CNTN5: variants seen among roughly 807,000 people sequenced by gnomAD.
CNTN5 encodes contactin 5, also known as contactin-5.
In CNTN5, 77 loss-of-function variants were observed where a neutral mutation model predicts 129.1. The ratio of observed to expected loss-of-function variants is 0.60; its 90% confidence interval spans 0.50 to 0.72. CNTN5 has a LOEUF of 0.72. CNTN5 is among the 30% of genes least tolerant of loss of function. CNTN5 has a pLI of 0.00. For synonymous variants in CNTN5, 509 were observed against 465.6 expected (o/e 1.09, Z -1.20); for missense variants, 1,478 against 1,328.8 (o/e 1.11, Z -1.75).
At position 99,387,174 on chromosome 11, in the gene CNTN5, A is replaced by G. The variant is rs1591609804; in HGVS notation, c.-71+61690A>G. Among the ~76,000 whole-genome samples, 5 of 152,198 alleles carry G rather than the reference A, an allele frequency of 3.3e-5. No homozygotes were observed. The South Asian group carries it at 1.0e-3, about 31-fold the overall frequency. On this transcript the variant is annotated intron_variant, in intron 2 of 24. Transcript: ENST00000524871. ...TTGATTTTATATACATCTATTTGCC[A>G]TAGGAAACACCAAACTCATAAGAAA...
At chr11:100,255,280 C>G (rs1259189633) in intron 16 of CNTN5, among the ~76,000 whole-genome samples, 1 of 152,158 alleles carries the variant, frequency 6.6e-6, no homozygotes, top group Non-Finnish European at 1.5e-5. Context: ...GCTATGTGTA[C>G]TTGATAGTAC....
At chr11:99,700,120 T>C (rs535736132) in intron 3 of CNTN5, among the ~76,000 whole-genome samples, 130 of 151,358 alleles carry the variant, frequency 8.6e-4, no homozygotes, top group Middle Eastern at 3.4e-3. Context: ...TCCAAAAGAG[T>C]TGCCAAATTT....
chr11:99,457,200 A>G (rs1944528096), intron 2 of CNTN5, among the ~76,000 whole-genome samples: 1 of 152,028 alleles, frequency 6.6e-6, no homozygotes, highest in Non-Finnish European at 1.5e-5. Flanking sequence ...TTTAGTATTT[A>G]GCTACAATCT....
In CNTN5 at chr11:99,252,461, A is replaced by G. The variant is rs186511511; in HGVS notation, c.-209-72885A>G. 2.4e-4 allele frequency among the ~76,000 whole-genome samples: 37 copies of G among 151,914 alleles called. No homozygotes were observed. In the East Asian group the frequency reaches 2.7e-3, roughly 11 times the overall value. ...TCAACCAGTAACATTTATCTTATATATAACTAAATTCCAAACCCAAATGGC... is the reference window on the plus strand; with the variant it reads ...TCAACCAGTAACATTTATCTTATATGTAACTAAATTCCAAACCCAAATGGC... On this transcript the variant is annotated intron_variant, in intron 1 of 24. Transcript: ENST00000524871.
chr11:99,289,334 C>A (rs1187211657), intron 1 of CNTN5, among the ~76,000 whole-genome samples: 2 of 151,750 alleles, frequency 1.3e-5, no homozygotes. Context: ...TAGGCATAGA[C>A]TGTTTGGCTA....
chr11:100,285,860 A>C (rs376019835), intron 18 of CNTN5, among the ~76,000 whole-genome samples: 3,102 of 152,240 alleles, frequency 0.02, 110 homozygotes, highest in African/African-American at 0.07. Context: ...TCATCTCACT[A>C]GGGAGTGCCA....
intron 2 of CNTN5, among the ~76,000 whole-genome samples, chr11:99,412,112 A>T (rs971464667): frequency 2.6e-5 from 4 of 152,190 alleles, no homozygotes; most frequent in African/African-American, 9.6e-5. Context: ...TATCATAGAT[A>T]TGTAACATTT....
At chr11:100,109,917 G>T (rs1054269819) in intron 13 of CNTN5, among the ~76,000 whole-genome samples, 1 of 152,108 alleles carries the variant, frequency 6.6e-6, no homozygotes, top group Non-Finnish European at 1.5e-5. Flanking sequence ...GGTGGCTCAT[G>T]CCTGTAATCC....
intron 4 of CNTN5, among the ~76,000 whole-genome samples, chr11:99,826,680 A>T (rs1946969874): frequency 6.6e-6 from 1 of 152,202 alleles, no homozygotes; most frequent in African/African-American, 2.4e-5. Context: ...ATGTTTAAGG[A>T]AACTGCACGT....
At chr11:100,205,229 C>A (rs950701611) in intron 15 of CNTN5, among the ~76,000 whole-genome samples, 2 of 151,962 alleles carry the variant, frequency 1.3e-5, no homozygotes, top group African/African-American at 4.8e-5. Flanking sequence ...TTTGCAATTT[C>A]TCTTTCGGCA....
chr11:99,713,410 GT>G lies in CNTN5; in HGVS notation c.56-106130del, dbSNP rs541188446. 1.8e-4 allele frequency among the ~76,000 whole-genome samples: 28 copies of G among 152,118 alleles called. No individual in the cohort carries two copies. In the South Asian group the frequency reaches 4.8e-3, roughly 26 times the overall value. On this transcript the variant is annotated intron_variant, in intron 3 of 24. Transcript: ENST00000524871. ...GGAGATTTTGGGTTCAGATGATGGG[GT>G]TTTCTAAATACACAATCACGTCATC...
chr11:99,396,022 C>T (rs1042135489), intron 2 of CNTN5, among the ~76,000 whole-genome samples: 14 of 151,446 alleles, frequency 9.2e-5, no homozygotes, highest in Non-Finnish European at 1.9e-4. Flanking sequence ...CCTGGTATAT[C>T]TGGGCTCTTT....
chr11:99,514,211 AT>A (rs1270376255), intron 2 of CNTN5, among the ~76,000 whole-genome samples: 3 of 152,120 alleles, frequency 2.0e-5, no homozygotes, highest in Non-Finnish European at 4.4e-5. Context: ...AATTACTGCA[AT>A]CTCATGATCA....
intron 7 of CNTN5, among the ~76,000 whole-genome samples, chr11:99,923,114 A>G (rs1383496145): frequency 6.6e-6 from 1 of 152,194 alleles, no homozygotes; most frequent in Non-Finnish European, 1.5e-5. Context: ...TAGATGTGCA[A>G]TGCCCATTTT....
At chr11:99,617,305 G>C (rs1950792079) in intron 3 of CNTN5, among the ~76,000 whole-genome samples, 1 of 152,168 alleles carries the variant, frequency 6.6e-6, no homozygotes, top group South Asian at 2.1e-4. Context: ...TATTATTGAA[G>C]GGGATGGTGA....
At chr11:99,213,594 A>G (rs1322016988) in intron 1 of CNTN5, among the ~76,000 whole-genome samples, 1 of 151,632 alleles carries the variant, frequency 6.6e-6, no homozygotes, top group Non-Finnish European at 1.5e-5. Flanking sequence ...AAAACAATAA[A>G]AACAGAATGT....
At chr11:99,258,668 A>G (rs1198528586) in intron 1 of CNTN5, among the ~76,000 whole-genome samples, 1 of 151,998 alleles carries the variant, frequency 6.6e-6, no homozygotes, top group Non-Finnish European at 1.5e-5. Flanking sequence ...TAATGGTAAT[A>G]ATATTTCAAA....
chr11:100,025,587 A>G (rs1941376873), intron 9 of CNTN5, among the ~76,000 whole-genome samples: 1 of 152,194 alleles, frequency 6.6e-6, no homozygotes, highest in South Asian at 2.1e-4. Flanking sequence ...CAGCCCATGA[A>G]AACAACTGGG....
chr11:99,140,521 C>T (rs1317364725), intron 1 of CNTN5, among the ~76,000 whole-genome samples: 2 of 151,526 alleles, frequency 1.3e-5, no homozygotes, highest in African/African-American at 2.4e-5. Context: ...CTAGGCCTTT[C>T]AGTATTATGT....
Sources: gnomAD v4.1 joint callset for allele counts (sites outside exome capture counted in the v4.1 genomes callset) on GRCh38, gnomAD v4.1.1 for gene constraint, MANE v1.5 for transcripts, NCBI Gene and HGNC (gene_info 2026-07-23, HGNC 2026-07-21) for gene names.